The following SAMHD1 variants were observed in gnomAD, a reference collection of about 807,000 sequenced individuals.
SAMHD1 encodes SAM and HD domain containing deoxynucleoside triphosphate triphosphohydrolase 1, also known as deoxynucleoside triphosphate triphosphohydrolase SAMHD1.
In SAMHD1, 54 loss-of-function variants were observed where a neutral mutation model predicts 79.6. The ratio of observed to expected loss-of-function variants is 0.68; its 90% CI spans 0.55 to 0.85. The LOEUF (loss-of-function observed/expected upper bound fraction) is 0.85. SAMHD1 is among the 40% of genes least tolerant of loss of function. SAMHD1 has a pLI of 0.00. For synonymous variants in SAMHD1, 260 were observed against 264.1 expected (o/e 0.98, Z 0.15); for missense variants, 663 against 782.7 (o/e 0.85, Z 1.82).
At position 36,915,427 on chromosome 20, in the gene SAMHD1, G is replaced by C. The variant is rs114309000; in HGVS notation, c.1062+1295C>G. On this transcript the variant is annotated intron_variant, in intron 9 of 15. Coordinates refer to ENST00000646673, the MANE Select transcript of SAMHD1 (RefSeq NM_015474.4). ...GGTCAACAGAAGGCTATTTAGTTAA[G>C]TTTTTGGGAAGTCAAAAGTTATATG... Among the ~76,000 whole-genome samples, 568 of 152,288 alleles carry C rather than the reference G, an allele frequency of 3.7e-3. 2 individuals are homozygous for C. Among genetic ancestry groups the C allele is most frequent in the Middle Eastern group, 0.014 (4 of 294 alleles).
chr20:36,931,032 A>C (rs2063565199), intron 4 of SAMHD1, 157 bp from the exon 5 acceptor site: 3 of 668,188 alleles, frequency 4.5e-6, no homozygotes, highest in Non-Finnish European at 8.2e-6. Flanking sequence ...GAACACACAC[A>C]AACGGAATCC....
chr20:36,897,466 T>C (rs1990219135), intron 15 of SAMHD1: 1 of 335,190 alleles, frequency 3.0e-6, no homozygotes, highest in Non-Finnish European at 5.7e-6. Context: ...CTATTATCAA[T>C]TTTATGTTAA....
At chr20:36,940,965 T>C in intron 3 of SAMHD1, 74 bp downstream of exon 3, 3 of 1,166,264 alleles carry the variant, frequency 2.6e-6, no homozygotes, top group Non-Finnish European at 3.8e-6. Flanking sequence ...TCCTATTCTC[T>C]TCAAAATGAA....
chr20:36,908,651 C>G (rs8123713), intron 11 of SAMHD1, among the ~76,000 whole-genome samples: 2 of 152,142 alleles, frequency 1.3e-5, no homozygotes, highest in African/African-American at 4.8e-5. Flanking sequence ...TTTCATTTTT[C>G]TAGTAATTCA....
intron 13 of SAMHD1, among the ~76,000 whole-genome samples, chr20:36,899,908 A>G (rs1267783575): frequency 6.6e-6 from 1 of 152,130 alleles, no homozygotes; most frequent in African/African-American, 2.4e-5. Flanking sequence ...AGCCTGTCCA[A>G]TATGGTGAAA....
At chr20:36,904,297 C>G (rs759862645) in intron 12 of SAMHD1, 48 bp from the exon 13 acceptor site, 1 of 1,278,644 alleles carries the variant, frequency 7.8e-7, no homozygotes, top group South Asian at 1.2e-5. Context: ...TTCATCAAGT[C>G]TTTGAGCCAC....
rs139874989 is a variant in SAMHD1, at chr20:36,907,496, G to C, written c.1271-1993C>G. ...TCTTCCTGCCTTAGTCTCTTGAACA[G>C]CTGGGACTAAAGGCACATGCCGCCA... On this transcript the variant is annotated intron_variant, in intron 11 of 15. Transcript: ENST00000646673. Among the ~76,000 whole-genome samples the C allele has an allele frequency of 4.8e-3, 718 of 150,882 alleles. 7 individuals carry two copies. The highest frequency in any genetic ancestry group is 0.017 in the African/African-American group (679 of 41,002).
intron 11 of SAMHD1, among the ~76,000 whole-genome samples, chr20:36,908,635 C>T (rs1177411604): frequency 1.3e-5 from 2 of 152,034 alleles, no homozygotes; most frequent in East Asian, 3.9e-4. Flanking sequence ...ATGCCTTTTC[C>T]CCCCATTTCA....
At chr20:36,901,411 G>A (rs953175212) in intron 13 of SAMHD1, among the ~76,000 whole-genome samples, 1 of 152,176 alleles carries the variant, frequency 6.6e-6, no homozygotes, top group African/African-American at 2.4e-5. Context: ...GGGGCACAGA[G>A]AGAGACCCTG....
chr20:36,905,350 G>A lies in SAMHD1; in HGVS notation c.1410+14C>T, dbSNP rs1172658057. On this transcript the variant is annotated intron_variant, in intron 12 of 15. Transcript: ENST00000646673. Reference sequence around the variant, plus strand: ...GATAACCTTTCACTAATGGAAAGATGCCTGATAACTCACCCTTTTAATCTT... The same window carrying A: ...GATAACCTTTCACTAATGGAAAGATACCTGATAACTCACCCTTTTAATCTT... 6.2e-7 allele frequency: 1 copy of A among 1,613,830 alleles called. No individual in the cohort carries two copies. Among genetic ancestry groups the A allele is most frequent in the Non-Finnish European group, 8.5e-7 (1 of 1,179,804 alleles).
intron 11 of SAMHD1, among the ~76,000 whole-genome samples, chr20:36,909,679 C>G (rs1269866745): frequency 4.5e-5 from 2 of 44,918 alleles, no homozygotes; most frequent in Admixed American, 3.6e-4. Flanking sequence ...CCACCCCCCT[C>G]CAAAAAAAAA....
intron 2 of SAMHD1, among the ~76,000 whole-genome samples, chr20:36,943,483 G>A (rs556283832): frequency 1.2e-4 from 18 of 152,246 alleles, no homozygotes; most frequent in African/African-American, 3.1e-4. Flanking sequence ...TTATGAGGTG[G>A]GGCACAGAGA....
At chr20:36,899,800 G>A (rs1276581640) in intron 13 of SAMHD1, among the ~76,000 whole-genome samples, 1 of 152,156 alleles carries the variant, frequency 6.6e-6, no homozygotes, top group East Asian at 1.9e-4. Flanking sequence ...AGGAGAAAAT[G>A]AGAAACAAAA....
At position 36,943,214 on chromosome 20, in the gene SAMHD1, T is replaced by G. The variant is rs190491687; in HGVS notation, c.276-2103A>C. ...ATTGGTACTACTGTGAGCAACTGGA[T>G]GGAGTGGTGGGTAGGGCTAATCCCA... is the stretch of plus-strand genomic sequence containing the variant. On this transcript the variant is annotated intron_variant, in intron 2 of 15. Coordinates refer to ENST00000646673, the MANE Select transcript of SAMHD1 (RefSeq NM_015474.4). 3.9e-5 allele frequency among the ~76,000 whole-genome samples: 6 copies of G among 152,222 alleles called. No homozygotes were observed. The East Asian group carries it at 1.2e-3, about 29-fold the overall frequency.
In SAMHD1 at chr20:36,925,391, G is replaced by A. The variant is rs548900870; in HGVS notation, c.696+1791C>T. ...AGTGGATGTTAGACCTCAATACTTA[G>A]AAGGGAGAGGTGCTGGGTGACATTC... On this transcript the variant is annotated intron_variant, in intron 6 of 15. Transcript: ENST00000646673. Among the ~76,000 whole-genome samples the A allele has an allele frequency of 1.1e-4, 17 of 152,340 alleles. 1 individual carries two copies. In the South Asian group the frequency reaches 3.3e-3, roughly 30 times the overall value.
At position 36,935,158 on chromosome 20, in the gene SAMHD1, T is replaced by C; in HGVS notation, c.380A>G (p.Glu127Gly). Residue 127 changes from glutamate (E) to glycine (G), a missense_variant, in exon 4 of 16, where the codon GAG becomes GGG. Physicochemically the swap from Glu to Gly is moderately conservative, Grantham distance 98. Coordinates refer to ENST00000646673, the MANE Select transcript of SAMHD1 (RefSeq NM_015474.4). ...VINDPIHGHI[E>G]LHPLLVRIID... ...GATTCGGACGAGGAGAGGGTGGAGC[T>C]CAATGTGGCCATGGATAGGATCATT... The C allele has an allele frequency of 1.9e-6, 3 of 1,613,724 alleles. No individual in the cohort carries two copies. The highest frequency in any genetic ancestry group is 1.7e-6 in the Non-Finnish European group (2 of 1,179,628).
intron 9 of SAMHD1, among the ~76,000 whole-genome samples, chr20:36,913,109 G>A (rs373663834): frequency 1.4e-5 from 2 of 147,118 alleles, no homozygotes; most frequent in African/African-American, 5.0e-5. Context: ...CCATTCTCCC[G>A]CCTCAGTCTC....
intron 2 of SAMHD1, 49 bp from the exon 3 acceptor site, chr20:36,941,160 A>G: frequency 8.2e-7 from 1 of 1,225,756 alleles, no homozygotes; most frequent in Non-Finnish European, 1.2e-6. Flanking sequence ...GCTTAATAAT[A>G]ATCCCTGCAG....
At chr20:36,933,814 A>G (rs1211141819) in intron 4 of SAMHD1, among the ~76,000 whole-genome samples, 2 of 152,030 alleles carry the variant, frequency 1.3e-5, no homozygotes, top group African/African-American at 2.4e-5. Context: ...TGAGAGGCCG[A>G]GGCGGGCGGA....
Sources: gnomAD v4.1 joint callset for allele counts (sites outside exome capture counted in the v4.1 genomes callset) on GRCh38, gnomAD v4.1.1 for gene constraint, MANE v1.5 for transcripts, NCBI Gene and HGNC (gene_info 2026-07-23, HGNC 2026-07-21) for gene names.